Variants in EIF5B observed in about 807,000 individuals in gnomAD.
EIF5B encodes eukaryotic translation initiation factor 5B.
EIF5B carries 47 observed loss-of-function variants against 147.5 expected under a neutral mutation model. That is an observed-to-expected ratio of 0.32 (90% CI 0.25 to 0.41). The LOEUF is 0.41. EIF5B is among the 10% of genes least tolerant of loss of function. The pLI, the probability that EIF5B is intolerant of heterozygous loss-of-function variation, is 1.00. For synonymous variants in EIF5B, 455 were observed against 456.2 expected, an observed-to-expected ratio of 1.00 and a Z score of 0.03; for missense variants, 1,064 against 1,413.2, an observed-to-expected ratio of 0.75 and a Z score of 3.96.
At position 99,389,705 on chromosome 2, in the gene EIF5B, A is replaced by G; in HGVS notation, c.2272-13A>G. 6.3e-7 allele frequency: 1 copy of G among 1,581,264 alleles called. No individual in the cohort carries two copies. The highest frequency in any genetic ancestry group is 8.5e-7 in the Non-Finnish European group (1 of 1,171,404). ...ATTTTTTAGAGATCTTTCTCATGAA[A>G]AAACTTTTTCAGATTGATAGGTTAT... On this transcript the variant is annotated splice_polypyrimidine_tract_variant and intron_variant, in intron 14 of 23. Coordinates refer to ENST00000289371, the MANE Select transcript of EIF5B (RefSeq NM_015904.4).
At chr2:99,388,360 A>T (rs939243209) in intron 14 of EIF5B, among the ~76,000 whole-genome samples, 29 of 152,090 alleles carry the variant, frequency 1.9e-4, no homozygotes, top group Non-Finnish European at 1.2e-4. Flanking sequence ...TCCTTTCCTT[A>T]TTCCTGATAT....
chr2:99,344,616 T>C (rs536294994), intron 1 of EIF5B, among the ~76,000 whole-genome samples: 62 of 152,280 alleles, frequency 4.1e-4, no homozygotes, highest in Non-Finnish European at 5.9e-4. Context: ...TTTGTGTTTC[T>C]AGTAGAGACA....
intron 1 of EIF5B, among the ~76,000 whole-genome samples, chr2:99,358,431 G>A (rs958476683): frequency 6.6e-6 from 1 of 152,142 alleles, no homozygotes; most frequent in African/African-American, 2.4e-5. Context: ...AGACTTCCTG[G>A]ATTCAAATCC....
At chr2:99,346,746 A>G (rs1022980474) in intron 1 of EIF5B, among the ~76,000 whole-genome samples, 1 of 151,308 alleles carries the variant, frequency 6.6e-6, no homozygotes, top group Non-Finnish European at 1.5e-5. Context: ...AATTTTTTGT[A>G]TTTTTAGTAG....
intron 4 of EIF5B, among the ~76,000 whole-genome samples, chr2:99,363,425 A>G (rs1674261556): frequency 6.6e-6 from 1 of 152,152 alleles, no homozygotes; most frequent in African/African-American, 2.4e-5. Flanking sequence ...TCTGAGACCA[A>G]CATCAGTATT....
rs762706956 is a variant in EIF5B at position 99,361,349 on chromosome 2, G to C, written c.448G>C (p.Ala150Pro). 3.7e-6 allele frequency: 6 copies of C among 1,611,030 alleles called. No homozygotes were observed. Among genetic ancestry groups the C allele is most frequent in the Non-Finnish European group, 5.1e-6 (6 of 1,179,294 alleles). The part of the protein sequence containing the change: ...DDDFNKLPKK[A>P]KGKAQKSNKK... ...TGATTTTAACAAACTTCCTAAAAAA[G>C]CTAAAGGGAAAGCTCAAAAATCAAA... The change falls in exon 4 of 24, where the codon GCT becomes CCT. Residue 150 changes from alanine (A) to proline (P), a missense_variant. Ala to Pro is a conservative substitution (Grantham distance 27, BLOSUM62 -1). Transcript: ENST00000289371.
At chr2:99,348,378 A>C (rs921093395) in intron 1 of EIF5B, among the ~76,000 whole-genome samples, 7 of 152,148 alleles carry the variant, frequency 4.6e-5, no homozygotes, top group Admixed American at 3.9e-4. Flanking sequence ...AACTGTTAAG[A>C]TTTGTGGTTA....
In EIF5B at chr2:99,390,582, C is replaced by T. The variant is rs1399123284; in HGVS notation, c.2625C>T (p.Val875=). 2 of 1,612,584 alleles carry T rather than the reference C, an allele frequency of 1.2e-6. No individual in the cohort carries two copies. The highest frequency in any genetic ancestry group is 4.5e-5 in the East Asian group (2 of 44,820). The stretch of plus-strand genomic sequence containing the variant: ...CGGGGATGGGCACCACTATAGATGT[C>T]ATCTTGATCAATGGGCGTTTGAAGG... ...ALPGMGTTID[V]ILINGRLKEG... is the part of the protein sequence containing the mutation. Residue 875 remains valine, a synonymous_variant, in exon 17 of 24, where the codon GTC becomes GTT. Coordinates refer to ENST00000289371, the MANE Select transcript of EIF5B (RefSeq NM_015904.4).
chr2:99,400,808 G>A lies in EIF5B; in HGVS notation c.*1394G>A, dbSNP rs1574948913. 1 of 153,672 alleles carries A rather than the reference G, an allele frequency of 6.5e-6. No homozygotes were observed. The highest frequency in any genetic ancestry group is 1.5e-5 in the Non-Finnish European group (1 of 68,732). The allele number at this position is 153,672 out of a possible 1,614,324, so 9.5% of individuals were successfully genotyped here. A position where few individuals can be genotyped will look rare whatever the true frequency, so the allele number is the denominator to read the frequency against. The stretch of plus-strand genomic sequence containing the variant: ...GCTTTACCCTTTCTTGGAACAAGTA[G>A]AATCCCGGTCTGAGACCTCTCAGGA... On this transcript the variant is annotated 3_prime_UTR_variant, in exon 24 of 24. Coordinates refer to ENST00000289371, the MANE Select transcript of EIF5B (RefSeq NM_015904.4).
chr2:99,394,482 T>C, intron 19 of EIF5B, 27 bp from the exon 20 acceptor site: 2 of 1,614,028 alleles, frequency 1.2e-6, no homozygotes, highest in Non-Finnish European at 8.5e-7. Context: ...TACATACAGA[T>C]AAACATGGAA....
At chr2:99,353,683 A>T (rs1454991642) in intron 1 of EIF5B, among the ~76,000 whole-genome samples, 1 of 151,540 alleles carries the variant, frequency 6.6e-6, no homozygotes, top group Non-Finnish European at 1.5e-5. Context: ...CTCCCTACCC[A>T]CCTCCCCAAC....
intron 1 of EIF5B, among the ~76,000 whole-genome samples, chr2:99,343,244 C>T (rs2094264566): frequency 6.6e-6 from 1 of 151,644 alleles, no homozygotes. Flanking sequence ...GTGTGAGCCA[C>T]CGCACCCAGC....
chr2:99,389,865 T>G lies in EIF5B; in HGVS notation c.2403+16T>G. ...TGCACAGCAGGTAAGAAGGCCTTCC[T>G]TCTTTCTGAAGAGCCTATCTCAGAA... On this transcript the variant is annotated intron_variant, in intron 15 of 23. Coordinates refer to ENST00000289371, the MANE Select transcript of EIF5B (RefSeq NM_015904.4). The G allele has an allele frequency of 6.3e-7, 1 of 1,596,780 alleles. No homozygotes were observed. The highest frequency in any genetic ancestry group is 8.5e-7 in the Non-Finnish European group (1 of 1,175,204).
At chr2:99,360,391 TA>T (rs1653177293) in intron 2 of EIF5B, 30 bp downstream of exon 2, 1 of 1,580,922 alleles carries the variant, frequency 6.3e-7, no homozygotes, top group East Asian at 2.3e-5. Flanking sequence ...ATTTGATTTT[TA>T]TTTGTTTTGG....
intron 4 of EIF5B, among the ~76,000 whole-genome samples, chr2:99,362,137 A>G (rs1559248844): frequency 6.6e-6 from 1 of 152,192 alleles, no homozygotes; most frequent in Non-Finnish European, 1.5e-5. Flanking sequence ...TTCCTTTCTG[A>G]TAACTCAGTG....
intron 1 of EIF5B, chr2:99,338,168 G>T (rs2094248505): frequency 2.7e-6 from 1 of 370,420 alleles, no homozygotes; most frequent in Admixed American, 5.0e-5. Flanking sequence ...TCCTTCTTCC[G>T]GCCTGTTTTT....
chr2:99,399,253 C>G, intron 23 of EIF5B, 54 bp from the exon 24 acceptor site: 2 of 1,564,212 alleles, frequency 1.3e-6, no homozygotes, highest in South Asian at 2.2e-5. Flanking sequence ...CCACAGCTTT[C>G]TTTGGCACGT....
At chr2:99,370,624 G>T (rs1674427412) in intron 8 of EIF5B, among the ~76,000 whole-genome samples, 1 of 152,130 alleles carries the variant, frequency 6.6e-6, no homozygotes. Context: ...GATGTTTTGG[G>T]TACCTGAGTC....
At chr2:99,366,179 C>G (rs1674325292) in intron 6 of EIF5B, among the ~76,000 whole-genome samples, 2 of 152,146 alleles carry the variant, frequency 1.3e-5, no homozygotes, top group African/African-American at 4.8e-5. Flanking sequence ...ATTGTTATGT[C>G]TCAGTTTGCA....
Sources: gnomAD v4.1 joint callset for allele counts (sites outside exome capture counted in the v4.1 genomes callset) on GRCh38, gnomAD v4.1.1 for gene constraint, MANE v1.5 for transcripts, NCBI Gene and HGNC (gene_info 2026-07-23, HGNC 2026-07-21) for gene names.